SORL1-AS1: variants seen among roughly 807,000 people sequenced by gnomAD.
SORL1-AS1 encodes the protein SORL1 antisense RNA 1.
downstream of SORL1-AS1, among the ~76,000 whole-genome samples, chr11:121,444,283 C>T (rs1309695826): frequency 1.3e-5 from 2 of 152,228 alleles, no homozygotes; most frequent in African/African-American, 2.4e-5. Context: ...ATACCTAACC[C>T]GAGCTTTGCT....
In SORL1-AS1 at chr11:121,450,338, T is replaced by TAC. The variant is rs1312039372; in HGVS notation, n.340-440_340-439insGT. 6.6e-6 allele frequency among the ~76,000 whole-genome samples: 1 copy of TAC among 152,170 alleles called. No individual in the cohort carries two copies. The highest frequency in any genetic ancestry group is 1.5e-5 in the Non-Finnish European group (1 of 68,034). ...TCCTGAGAGACCATGGGGTTGTCCATTCCTGGTAAGGTGATGCTGACCAGA... is the reference window on the plus strand; with the variant it reads ...TCCTGAGAGACCATGGGGTTGTCCATACTCCTGGTAAGGTGATGCTGACCAGA... On this transcript the variant is annotated intron_variant and non_coding_transcript_variant, in intron 1 of 1. Coordinates refer to ENST00000501964, the Ensembl canonical transcript of SORL1-AS1. The surrounding 1 kb of genome is among the most constrained non-coding windows in gnomAD (Gnocchi z 5.2).
chr11:121,439,078 T>G, the SORL1-AS1 span, among the ~76,000 whole-genome samples: 1 of 152,208 alleles, frequency 6.6e-6, no homozygotes, highest in Admixed American at 6.5e-5. Context: ...ATCCAACTTT[T>G]TTTGTAGACA....
chr11:121,450,134 ACTCCTGT>A lies in SORL1-AS1; in HGVS notation n.340-242_340-236del, dbSNP rs1278869567. On this transcript the variant is annotated intron_variant and non_coding_transcript_variant, in intron 1 of 1. Coordinates refer to ENST00000501964, the Ensembl canonical transcript of SORL1-AS1. The surrounding 1 kb of genome is among the most constrained non-coding windows in gnomAD (Gnocchi z 5.2). ...CCATCTTCAAATCCACACTTAGGAG[ACTCCTGT>A]CTCTGTTTTCTGCTGGGACTCTGAC... is the stretch of plus-strand genomic sequence containing the variant. Among the ~76,000 whole-genome samples the A allele has an allele frequency of 2.6e-5, 4 of 151,784 alleles. No homozygotes were observed. Among genetic ancestry groups the A allele is most frequent in the Non-Finnish European group, 5.9e-5 (4 of 67,954 alleles).
chr11:121,442,044 C>T, the SORL1-AS1 span, among the ~76,000 whole-genome samples: 2 of 152,164 alleles, frequency 1.3e-5, no homozygotes, highest in African/African-American at 4.8e-5. Flanking sequence ...AGAGTAGCTG[C>T]CAAGTTGGAG....
downstream of SORL1-AS1, among the ~76,000 whole-genome samples, chr11:121,445,768 T>C (rs367874562): frequency 8.0e-4 from 122 of 152,048 alleles, no homozygotes; most frequent in African/African-American, 2.1e-3. Context: ...TCATCTTTTT[T>C]CCCCCCAAGA....
At chr11:121,438,205 C>T in the SORL1-AS1 span, among the ~76,000 whole-genome samples, 13 of 152,256 alleles carry the variant, frequency 8.5e-5, 1 homozygote, top group African/African-American at 2.4e-4. Flanking sequence ...CAATTTGAAC[C>T]GTCCACAATA....
chr11:121,442,566 C>T (rs549662777), downstream of SORL1-AS1, among the ~76,000 whole-genome samples: 201 of 151,314 alleles, frequency 1.3e-3, no homozygotes, highest in African/African-American at 4.2e-3. Flanking sequence ...ACCTGGGAGG[C>T]GGAGGTTGCA....
chr11:121,439,042 G>T, the SORL1-AS1 span, among the ~76,000 whole-genome samples: 1 of 152,112 alleles, frequency 6.6e-6, no homozygotes, highest in Admixed American at 6.5e-5. Flanking sequence ...AACAACAAAA[G>T]AAATAAAGCT....
At chr11:121,444,146 G>A (rs888465151), downstream of SORL1-AS1, among the ~76,000 whole-genome samples, 1 of 151,904 alleles carries the variant, frequency 6.6e-6, no homozygotes, top group African/African-American at 2.4e-5. Flanking sequence ...GAGAAACCTG[G>A]TTTAATTTAT....
chr11:121,450,058 C>T lies in SORL1-AS1; in HGVS notation n.340-159G>A, dbSNP rs1860770095. Among the ~76,000 whole-genome samples the T allele has an allele frequency of 6.6e-6, 1 of 152,204 alleles. No homozygotes were observed. Among genetic ancestry groups the T allele is most frequent in the African/African-American group, 2.4e-5 (1 of 41,452 alleles). On this transcript the variant is annotated intron_variant and non_coding_transcript_variant, in intron 1 of 1. Coordinates refer to ENST00000501964, the Ensembl canonical transcript of SORL1-AS1. This position sits in a 1 kb window ranked among gnomAD's most constrained non-coding sequence, Gnocchi z 5.2. ...GCCCTGCCCTACTAGTCCTTCTGTG[C>T]AAGGGGCCATCTGAACCTTAAGCCA...
At chr11:121,443,150 TCTAA>T (rs1233010956), downstream of SORL1-AS1, among the ~76,000 whole-genome samples, 1 of 152,200 alleles carries the variant, frequency 6.6e-6, no homozygotes, top group Non-Finnish European at 1.5e-5. Context: ...TACTTATTAA[TCTAA>T]CTAACAAGCT....
chr11:121,441,530 C>CAAAAAAAA, the SORL1-AS1 span, among the ~76,000 whole-genome samples: 112 of 52,348 alleles, frequency 2.1e-3, 5 homozygotes, highest in African/African-American at 6.0e-3. Flanking sequence ...GACTCTGTCT[C>CAAAAAAAA]AAAAAAAAAA....
chr11:121,442,117 C>T, the SORL1-AS1 span, among the ~76,000 whole-genome samples: 5 of 152,340 alleles, frequency 3.3e-5, no homozygotes, highest in South Asian at 1.0e-3. Context: ...GCAAACCTTG[C>T]ACCAGATTCT....
chr11:121,449,220 T>A (rs1011658238), exon 2 of SORL1-AS1: 2 of 152,198 alleles, frequency 1.3e-5, no homozygotes, highest in Non-Finnish European at 2.9e-5. Flanking sequence ...TACATTTCCG[T>A]GCATGTTGAT....
rs1196476636 is a variant in SORL1-AS1, at chr11:121,452,559, G to T, written n.339+116C>A. The T allele has an allele frequency of 2.0e-6, 3 of 1,512,312 alleles. No homozygotes were observed. The East Asian group carries it at 8.0e-5, about 40-fold the overall frequency. 93.7% of individuals were successfully genotyped at this position (1,512,312 alleles called of 1,614,324 possible). On this transcript the variant is annotated intron_variant and non_coding_transcript_variant, in intron 1 of 1. Transcript: ENST00000501964. This position sits in a 1 kb window ranked among gnomAD's most constrained non-coding sequence, Gnocchi z 5.3. Reference sequence around the variant, plus strand: ...GGGCGAGCCGCGCGGACGAGAAGCCGCTCCGGAGGAAACGGAGCGCTGCCC... The same window carrying T: ...GGGCGAGCCGCGCGGACGAGAAGCCTCTCCGGAGGAAACGGAGCGCTGCCC...
chr11:121,446,234 A>G (rs1015515366), downstream of SORL1-AS1, among the ~76,000 whole-genome samples: 1 of 152,204 alleles, frequency 6.6e-6, no homozygotes, highest in Non-Finnish European at 1.5e-5. Flanking sequence ...AGAAAAGGAG[A>G]TAAGTACCAA....
chr11:121,444,771 C>T (rs1860703509), downstream of SORL1-AS1, among the ~76,000 whole-genome samples: 1 of 152,138 alleles, frequency 6.6e-6, no homozygotes, highest in Non-Finnish European at 1.5e-5. Flanking sequence ...TGTAAGTATT[C>T]CATGGCGTCA....
chr11:121,446,570 G>A (rs1339661251), downstream of SORL1-AS1, among the ~76,000 whole-genome samples: 3 of 152,038 alleles, frequency 2.0e-5, no homozygotes, highest in Admixed American at 2.0e-4. Flanking sequence ...GGGCAACATG[G>A]TGAAACCCCG....
Position 121,452,910 on chromosome 11 carries a change from C to T in SORL1-AS1, n.104G>A. The stretch of plus-strand genomic sequence containing the variant: ...TCCGGCAGGTATAGGAGGGGTGCAG[C>T]TTCATTTTACATCTGGATAAAAAAC... On this transcript the variant is annotated non_coding_transcript_exon_variant, in exon 1 of 2. Coordinates refer to ENST00000501964, the Ensembl canonical transcript of SORL1-AS1. This position sits in a 1 kb window ranked among gnomAD's most constrained non-coding sequence, Gnocchi z 5.3. 1 of 347,308 alleles carries T rather than the reference C, an allele frequency of 2.9e-6. No homozygotes were observed. The highest frequency in any genetic ancestry group is 4.3e-5 in the East Asian group (1 of 23,190). 21.5% of individuals were successfully genotyped at this position (347,308 alleles called of 1,614,324 possible).
Sources: gnomAD v4.1 joint callset for allele counts (sites outside exome capture counted in the v4.1 genomes callset) on GRCh38, gnomAD v4.1.1 for gene constraint, Gnocchi (gnomAD v3.1) non-coding constraint, MANE v1.5 for transcripts, NCBI Gene and HGNC (gene_info 2026-07-23, HGNC 2026-07-21) for gene names.